THSD7B: variants seen among roughly 807,000 people sequenced by gnomAD.
THSD7B encodes thrombospondin type-1 domain-containing protein 7B.
A neutral mutation model predicts 213.6 loss-of-function variants in THSD7B; 138 were observed. That is an observed-to-expected ratio of 0.65 (90% CI 0.56 to 0.74). The LOEUF (loss-of-function observed/expected upper bound fraction) is 0.74. THSD7B is among the 30% of genes least tolerant of loss of function. The probability of loss-of-function intolerance (pLI) is 0.00; values close to 1 mark genes in which losing one functional copy is unlikely to be tolerated. For synonymous variants in THSD7B, 742 were observed against 687.0 expected (o/e 1.08, Z -1.25); for missense variants, 1,931 against 1,991.5 (o/e 0.97, Z 0.58).
chr2:137,272,753 T>C (rs562003852), intron 11 of THSD7B, 91 bp downstream of exon 11: 1 of 1,352,846 alleles, frequency 7.4e-7, no homozygotes, highest in South Asian at 1.3e-5. Flanking sequence ...TGGTGAAAAA[T>C]AAGTAAGAGG....
At chr2:136,858,602 T>G (rs1200223546) in intron 1 of THSD7B, among the ~76,000 whole-genome samples, 1 of 152,234 alleles carries the variant, frequency 6.6e-6, no homozygotes, top group Non-Finnish European at 1.5e-5. Context: ...TTATATGATC[T>G]AAAATAGTGA....
chr2:137,485,568 C>T (rs1446224640), intron 15 of THSD7B, among the ~76,000 whole-genome samples: 2 of 152,122 alleles, frequency 1.3e-5, no homozygotes, highest in Non-Finnish European at 1.5e-5. Flanking sequence ...AGTTGGAAAA[C>T]ACTCTGCAGG....
chr2:136,844,055 C>A (rs1682959569), intron 1 of THSD7B, among the ~76,000 whole-genome samples: 1 of 152,140 alleles, frequency 6.6e-6, no homozygotes, highest in African/African-American at 2.4e-5. Flanking sequence ...TCTTCCAACC[C>A]CCTTTAGGCA....
intron 12 of THSD7B, among the ~76,000 whole-genome samples, chr2:137,296,644 A>G (rs563930476): frequency 6.6e-6 from 1 of 152,296 alleles, no homozygotes; most frequent in South Asian, 2.1e-4. Context: ...GCTAAATGAC[A>G]GTTTTTACAA....
chr2:137,258,658 C>A (rs1300364700), intron 10 of THSD7B, among the ~76,000 whole-genome samples: 4 of 151,736 alleles, frequency 2.6e-5, no homozygotes, highest in Non-Finnish European at 4.4e-5. Flanking sequence ...GACACACATA[C>A]CATGCTCTTT....
At chr2:137,111,536 A>C (rs555921086) in intron 4 of THSD7B, among the ~76,000 whole-genome samples, 34 of 152,302 alleles carry the variant, frequency 2.2e-4, no homozygotes, top group African/African-American at 7.0e-4. Context: ...CAATTCTGCC[A>C]TCTGTAAAAG....
intron 5 of THSD7B, among the ~76,000 whole-genome samples, chr2:137,138,453 T>G (rs919881426): frequency 1.3e-5 from 2 of 152,150 alleles, no homozygotes; most frequent in Non-Finnish European, 2.9e-5. Flanking sequence ...GGTTTCTCCT[T>G]GTGGTTTAAA....
At position 137,609,287 on chromosome 2, in the gene THSD7B, C is replaced by T. The variant is rs55865097; in HGVS notation, c.3424-6888C>T. 6.5e-3 allele frequency among the ~76,000 whole-genome samples: 981 copies of T among 151,952 alleles called. 12 individuals are homozygous for T. Among genetic ancestry groups the T allele is most frequent in the African/African-American group, 0.023 (936 of 41,412 alleles). ...AATTAATATATAGAATATGAGGTAG[C>T]GATAAATGATATGGAGAAGAAAAAA... On this transcript the variant is annotated intron_variant, in intron 17 of 27. Coordinates refer to ENST00000409968, the MANE Select transcript of THSD7B (RefSeq NM_001316349.2).
intron 14 of THSD7B, among the ~76,000 whole-genome samples, chr2:137,417,752 T>C (rs371763493): frequency 6.6e-6 from 1 of 152,136 alleles, no homozygotes; most frequent in East Asian, 1.9e-4. Flanking sequence ...ATTTTATATA[T>C]ACAGTGTCCT....
intron 2 of THSD7B, among the ~76,000 whole-genome samples, chr2:136,988,477 C>T (rs1384621380): frequency 6.6e-6 from 1 of 152,164 alleles, no homozygotes; most frequent in African/African-American, 2.4e-5. Context: ...AATCTTTTCT[C>T]CAACCAGCGT....
intron 1 of THSD7B, among the ~76,000 whole-genome samples, chr2:136,836,894 C>T (rs1298888680): frequency 6.6e-6 from 1 of 152,096 alleles, no homozygotes; most frequent in Admixed American, 6.6e-5. Flanking sequence ...CTTGTCTTCC[C>T]CATCTTCCCC....
At chr2:137,618,648 T>G in intron 19 of THSD7B, 141 bp downstream of exon 19, 1 of 694,388 alleles carries the variant, frequency 1.4e-6, no homozygotes, top group Non-Finnish European at 2.3e-6. Flanking sequence ...GCGGTGCCAG[T>G]ATAGTATGGT....
intron 15 of THSD7B, among the ~76,000 whole-genome samples, chr2:137,500,932 G>T (rs1251772797): frequency 6.6e-6 from 1 of 151,706 alleles, no homozygotes; most frequent in Non-Finnish European, 1.5e-5. Flanking sequence ...TACCTTTTAT[G>T]TTTCATGGTT....
chr2:136,781,849 G>A (rs1354037055), intron 1 of THSD7B, among the ~76,000 whole-genome samples: 1 of 152,144 alleles, frequency 6.6e-6, no homozygotes, highest in Non-Finnish European at 1.5e-5. Context: ...TGCTCTCCTA[G>A]ATGTGGAGAA....
chr2:137,018,248 C>T lies in THSD7B; in HGVS notation c.140-38172C>T, dbSNP rs988337741. ...AATTTTAAACTTCAGAAAATATTCT[C>T]ATTTAAAAAATTGCAAAATAAGACA... On this transcript the variant is annotated intron_variant, in intron 2 of 27. Coordinates refer to ENST00000409968, the MANE Select transcript of THSD7B (RefSeq NM_001316349.2). Among the ~76,000 whole-genome samples, 118 of 152,004 alleles carry T rather than the reference C, an allele frequency of 7.8e-4. 3 individuals carry two copies. Among genetic ancestry groups the T allele is most frequent in the Non-Finnish European group, 3.1e-4 (21 of 68,002 alleles).
chr2:136,784,706 A>G (rs996947825), intron 1 of THSD7B, among the ~76,000 whole-genome samples: 1 of 152,196 alleles, frequency 6.6e-6, no homozygotes, highest in East Asian at 1.9e-4. Flanking sequence ...TCCTTAGTCT[A>G]TAAAATTGTC....
intron 12 of THSD7B, among the ~76,000 whole-genome samples, chr2:137,398,320 G>C (rs1481850976): frequency 6.9e-6 from 1 of 144,950 alleles, no homozygotes; most frequent in Non-Finnish European, 1.5e-5. Context: ...CTTTGATGAT[G>C]GTGATGTACA....
At chr2:137,233,402 G>C (rs1193134174) in intron 9 of THSD7B, among the ~76,000 whole-genome samples, 1 of 152,108 alleles carries the variant, frequency 6.6e-6, no homozygotes, top group Admixed American at 6.5e-5. Context: ...GAATGCTTTT[G>C]AATAATCAAA....
At chr2:137,004,750 T>C (rs1348473526) in intron 2 of THSD7B, among the ~76,000 whole-genome samples, 1 of 152,196 alleles carries the variant, frequency 6.6e-6, no homozygotes, top group Non-Finnish European at 1.5e-5. Context: ...GACTAAAATA[T>C]CTCGTTTCCA....
Sources: allele counts gnomAD v4.1 joint callset (sites outside exome capture counted in the v4.1 genomes callset), GRCh38; gene constraint gnomAD v4.1.1; transcripts MANE v1.5; gene names NCBI Gene and HGNC (gene_info 2026-07-23, HGNC 2026-07-21).